MKLN1: variants seen among roughly 807,000 people sequenced by gnomAD.
MKLN1 encodes the protein muskelin 1.
MKLN1 carries 18 observed loss-of-function variants against 99.0 expected under a neutral mutation model. The observed-to-expected ratio is 0.18, with a 90% CI of 0.13 to 0.27. The LOEUF is 0.27. MKLN1 is among the 10% of genes least tolerant of loss of function. The probability of loss-of-function intolerance (pLI) is 1.00; values close to 1 mark genes in which losing one functional copy is unlikely to be tolerated. For synonymous variants in MKLN1, 288 were observed against 293.2 expected (o/e 0.98, Z 0.18); for missense variants, 621 against 875.9 (o/e 0.71, Z 3.67).
chr7:131,125,863 G>A (rs1172338868), intron 1 of MKLN1, among the ~76,000 whole-genome samples: 12 of 151,770 alleles, frequency 7.9e-5, no homozygotes, highest in Non-Finnish European at 1.0e-4. Flanking sequence ...AAAATTAGCC[G>A]GGCGTGGTGG....
chr7:131,117,985 G>A (rs565329452), intron 1 of MKLN1, among the ~76,000 whole-genome samples: 19 of 152,272 alleles, frequency 1.2e-4, no homozygotes, highest in African/African-American at 3.1e-4. Flanking sequence ...TTGGATATTT[G>A]TCCCATTTAA....
In MKLN1 at chr7:131,460,775, T is replaced by C. The variant is rs188992571; in HGVS notation, c.1526-2442T>C. On this transcript the variant is annotated intron_variant, in intron 12 of 17. Transcript: ENST00000352689. Reference sequence around the variant, plus strand: ...ACCCTGAGCAGGGCAGATCAAGCCATAGTTTGCCAAGCCATGTTATAAAAT... The same window carrying C: ...ACCCTGAGCAGGGCAGATCAAGCCACAGTTTGCCAAGCCATGTTATAAAAT... Among the ~76,000 whole-genome samples the C allele has an allele frequency of 2.6e-5, 4 of 152,322 alleles. No homozygotes were observed. In the East Asian group the frequency reaches 7.7e-4, roughly 29 times the overall value.
chr7:131,338,116 T>G (rs2116715511), intron 1 of MKLN1, among the ~76,000 whole-genome samples: 1 of 152,374 alleles, frequency 6.6e-6, no homozygotes, highest in South Asian at 2.1e-4. Flanking sequence ...TGGCTTTTTT[T>G]CTTTCCAGAC....
chr7:131,303,012 C>G (rs1373143431), intron 3 of MKLN1, among the ~76,000 whole-genome samples: 1 of 152,160 alleles, frequency 6.6e-6, no homozygotes, highest in Non-Finnish European at 1.5e-5. Flanking sequence ...GCTACTGTTT[C>G]TTTCTGAAGC....
chr7:131,113,667 C>CAAAAAA (rs71168363), intron 1 of MKLN1, among the ~76,000 whole-genome samples: 1 of 96,504 alleles, frequency 1.0e-5, no homozygotes. Flanking sequence ...TACAAAAATA[C>CAAAAAA]AAAAAAAAAA....
In MKLN1 at chr7:131,272,730, GA is replaced by G. The variant is rs778629333; in HGVS notation, c.-179+69761del. Among the ~76,000 whole-genome samples, 10 of 152,264 alleles carry G rather than the reference GA, an allele frequency of 6.6e-5. No individual in the cohort carries two copies. The East Asian group carries it at 1.5e-3, about 23-fold the overall frequency. ...CACTTCTTACATGGTGGTAGCAAGA[GA>G]AAAATGAGGAAGAAGCAAAAGTGGA... On this transcript the variant is annotated intron_variant, in intron 3 of 7. Transcript: ENST00000416992.
Position 131,495,470 on chromosome 7 carries a change from T to C in MKLN1, c.*7742T>C, listed in dbSNP as rs1797534049. The C allele has an allele frequency of 1.3e-5, 2 of 152,184 alleles. No homozygotes were observed. Among genetic ancestry groups the C allele is most frequent in the South Asian group, 4.1e-4 (2 of 4,832 alleles). The allele number at this position is 152,184 out of a possible 1,614,324, so 9.4% of individuals were successfully genotyped here. ...AGTGATTGTCAAAATAGGTTTATCA[T>C]TTAAAAAACTAGGAAATTACTAAGT... On this transcript the variant is annotated 3_prime_UTR_variant, in exon 18 of 18. Coordinates refer to ENST00000352689, the MANE Select transcript of MKLN1 (RefSeq NM_013255.5).
chr7:131,276,024 G>A (rs938143975), intron 3 of MKLN1, among the ~76,000 whole-genome samples: 3 of 152,224 alleles, frequency 2.0e-5, no homozygotes, highest in Non-Finnish European at 2.9e-5. Context: ...CATAGGGGAA[G>A]AAGGGAGGTG....
At chr7:131,448,017 A>G (rs774474073) in intron 12 of MKLN1, among the ~76,000 whole-genome samples, 18 of 152,208 alleles carry the variant, frequency 1.2e-4, no homozygotes, top group Non-Finnish European at 2.4e-4. Context: ...TCACGAGGTC[A>G]GGAGATCGAG....
intron 1 of MKLN1, among the ~76,000 whole-genome samples, chr7:131,369,202 C>CT (rs1417742135): frequency 6.6e-6 from 1 of 152,128 alleles, no homozygotes; most frequent in African/African-American, 2.4e-5. Flanking sequence ...TCAAACATCT[C>CT]TATCATATGT....
At chr7:131,166,857 T>C (rs1402259221) in intron 2 of MKLN1, among the ~76,000 whole-genome samples, 1 of 152,114 alleles carries the variant, frequency 6.6e-6, no homozygotes, top group East Asian at 1.9e-4. Context: ...GGCTACTTTT[T>C]GTATTTTTAG....
At chr7:131,152,501 CTT>C (rs5887498) in intron 2 of MKLN1, among the ~76,000 whole-genome samples, 91 of 126,224 alleles carry the variant, frequency 7.2e-4, no homozygotes, top group Middle Eastern at 3.9e-3. Flanking sequence ...TTCTTTTTTT[CTT>C]TTTTTTTTTT....
chr7:131,151,886 G>C (rs1795893466), intron 2 of MKLN1, among the ~76,000 whole-genome samples: 1 of 152,114 alleles, frequency 6.6e-6, no homozygotes, highest in Non-Finnish European at 1.5e-5. Context: ...TTATAGAAAA[G>C]TGAAACATAA....
In MKLN1 at chr7:131,230,886, C is replaced by T. The variant is rs78044881; in HGVS notation, c.-179+27912C>T. Among the ~76,000 whole-genome samples, 1,987 of 151,998 alleles carry T rather than the reference C, an allele frequency of 0.013. 99 individuals carry two copies. The East Asian group carries it at 0.18, about 14-fold the overall frequency. ...CTGTAATCCCAGCACTTTGGGAGGC[C>T]GAGGCAGATGGATCACTTGAGGTCA... On this transcript the variant is annotated intron_variant, in intron 3 of 7. Transcript: ENST00000416992.
At chr7:131,411,513 G>A in intron 7 of MKLN1, 130 bp downstream of exon 7, 2 of 667,470 alleles carry the variant, frequency 3.0e-6, no homozygotes, top group Admixed American at 4.9e-5. Flanking sequence ...AGTGGCTCAT[G>A]TCTAATCCCA....
intron 2 of MKLN1, among the ~76,000 whole-genome samples, chr7:131,194,862 A>G (rs1419146332): frequency 6.6e-6 from 1 of 152,238 alleles, no homozygotes; most frequent in Non-Finnish European, 1.5e-5. Context: ...GCAGACGATT[A>G]TGTTAATATC....
intron 3 of MKLN1, among the ~76,000 whole-genome samples, chr7:131,203,399 G>C (rs1796759528): frequency 6.6e-6 from 1 of 152,140 alleles, no homozygotes; most frequent in African/African-American, 2.4e-5. Flanking sequence ...GATTTTAAGG[G>C]AGGAGGAAAA....
intron 2 of MKLN1, among the ~76,000 whole-genome samples, chr7:131,194,003 GTTTTTTT>G (rs71168387): frequency 7.8e-6 from 1 of 128,244 alleles, no homozygotes; most frequent in African/African-American, 2.8e-5. Flanking sequence ...GCTTTGTTTT[GTTTTTTT>G]TTTTTTTTTT....
At chr7:131,303,483 T>C (rs1049555315) in intron 3 of MKLN1, among the ~76,000 whole-genome samples, 1 of 152,252 alleles carries the variant, frequency 6.6e-6, no homozygotes, top group South Asian at 2.1e-4. Flanking sequence ...TTTGTTCGTT[T>C]TGGCAAGGTT....
Sources: gnomAD v4.1 joint callset for allele counts (sites outside exome capture counted in the v4.1 genomes callset) on GRCh38, gnomAD v4.1.1 for gene constraint, MANE v1.5 for transcripts, NCBI Gene and HGNC (gene_info 2026-07-23, HGNC 2026-07-21) for gene names.